The following PARP8 variants were observed in gnomAD, a reference collection of about 807,000 sequenced individuals.
PARP8 encodes the protein poly(ADP-ribose) polymerase family member 8, also known as protein mono-ADP-ribosyltransferase PARP8.
In PARP8, 51 loss-of-function variants were observed where a neutral mutation model predicts 124.1. That is an observed-to-expected ratio of 0.41 (90% CI 0.33 to 0.52). The LOEUF is 0.52. PARP8 is among the 20% of genes least tolerant of loss of function. PARP8 has a pLI of 0.21. For synonymous variants in PARP8, 391 were observed against 361.5 expected, an observed-to-expected ratio of 1.08 and a Z score of -0.93; for missense variants, 860 against 1,018.9, an observed-to-expected ratio of 0.84 and a Z score of 2.12.
At chr5:50,821,026 G>A (rs962314842) in intron 15 of PARP8, among the ~76,000 whole-genome samples, 187 bp from the exon 16 acceptor site, 1 of 152,186 alleles carries the variant, frequency 6.6e-6, no homozygotes, top group Non-Finnish European at 1.5e-5. Context: ...AGCAGCACAT[G>A]TTTGTTATTT....
chr5:50,707,650 AG>A (rs1754294898), intron 2 of PARP8, among the ~76,000 whole-genome samples: 2 of 151,686 alleles, frequency 1.3e-5, no homozygotes, highest in Non-Finnish European at 2.9e-5. Flanking sequence ...AGAGAGAGAG[AG>A]AGAGAGAGAG....
Position 50,716,300 on chromosome 5 carries a change from A to C in PARP8, c.147-33851A>C, listed in dbSNP as rs1368929464. ...GGTAGTTCTGATTATCAGAGAACAA[A>C]GTTCCAACAAATTGAGTTTAATGAT... On this transcript the variant is annotated intron_variant, in intron 2 of 25. Coordinates refer to ENST00000281631, the MANE Select transcript of PARP8 (RefSeq NM_024615.4). Among the ~76,000 whole-genome samples the C allele has an allele frequency of 2.0e-5, 3 of 152,142 alleles. No homozygotes were observed. The East Asian group carries it at 5.8e-4, about 29-fold the overall frequency.
chr5:50,794,447 T>C (rs2149648062), intron 11 of PARP8, 115 bp downstream of exon 11: 1 of 1,228,622 alleles, frequency 8.1e-7, no homozygotes, highest in Non-Finnish European at 1.1e-6. Context: ...TTATAACCTC[T>C]AAGAAAAGAC....
chr5:50,692,218 A>G (rs559433253), intron 2 of PARP8, among the ~76,000 whole-genome samples: 92 of 152,290 alleles, frequency 6.0e-4, no homozygotes, highest in African/African-American at 2.2e-3. Flanking sequence ...TTGTCATGTC[A>G]TTCAAAAGTG....
In PARP8 at chr5:50,826,791, G is replaced by A. The variant is rs1166309361; in HGVS notation, c.1965G>A (p.Leu655=). 6.3e-7 allele frequency: 1 copy of A among 1,586,836 alleles called. No homozygotes were observed. The highest frequency in any genetic ancestry group is 1.2e-5 in the South Asian group (1 of 84,492). ...ISSNRSHIVK[L]PVNRQLKFMH... is the part of the protein sequence containing the mutation. ...GTAATAGATCACATATTGTGAAACT[G>A]CCAGTTAACAGGGTAAGTTGTTTTT... The change falls in exon 19 of 26, where the codon CTG becomes CTA. Residue 655 remains leucine (L), a synonymous_variant. Transcript: ENST00000281631.
chr5:50,760,228 A>G (rs539093526), intron 4 of PARP8, 64 bp from the exon 5 acceptor site: 2 of 1,317,462 alleles, frequency 1.5e-6, no homozygotes, highest in Admixed American at 2.9e-5. Context: ...ACCAAAACTT[A>G]TGAATGCTTG....
At chr5:50,728,600 C>T (rs1261968175) in intron 2 of PARP8, among the ~76,000 whole-genome samples, 2 of 151,452 alleles carry the variant, frequency 1.3e-5, no homozygotes, top group East Asian at 1.9e-4. Context: ...TTTTTTGGCA[C>T]CCAAATAAGT....
intron 9 of PARP8, among the ~76,000 whole-genome samples, chr5:50,781,280 G>A (rs1034643056): frequency 6.6e-5 from 10 of 151,904 alleles, no homozygotes; most frequent in South Asian, 4.1e-4. Context: ...ATCACCAGTC[G>A]CTTTTGTTTT....
Position 50,710,825 on chromosome 5 carries a change from T to A in PARP8, c.147-39326T>A, listed in dbSNP as rs145720914. ...TTTCTGTGTCTGCAACCTACATATGTGATTGAAAATTTTTATATCTAACAG... is the reference window on the plus strand; with the variant it reads ...TTTCTGTGTCTGCAACCTACATATGAGATTGAAAATTTTTATATCTAACAG... On this transcript the variant is annotated intron_variant, in intron 2 of 25. Coordinates refer to ENST00000281631, the MANE Select transcript of PARP8 (RefSeq NM_024615.4). Among the ~76,000 whole-genome samples the A allele has an allele frequency of 2.0e-3, 298 of 152,288 alleles. 3 individuals are homozygous for A. The highest frequency in any genetic ancestry group is 6.8e-3 in the African/African-American group (282 of 41,572).
chr5:50,691,377 A>T (rs1284031527), intron 2 of PARP8, among the ~76,000 whole-genome samples: 1 of 152,130 alleles, frequency 6.6e-6, no homozygotes, highest in African/African-American at 2.4e-5. Flanking sequence ...TCACTGGTGG[A>T]ATGTCTCCTT....
chr5:50,795,102 T>A lies in PARP8; in HGVS notation c.1113T>A (p.Val371=). 6.2e-7 allele frequency: 1 copy of A among 1,614,192 alleles called. No individual in the cohort carries two copies. Among genetic ancestry groups the A allele is most frequent in the African/African-American group, 1.3e-5 (1 of 75,038 alleles). The stretch of plus-strand genomic sequence containing the variant: ...TGAACCGTCCTTGCCCTGCAGCTGT[T>A]AAGTCAGAGGAATGCCTAACTCTAA... ...KLLNRPCPAA[V]KSEECLTLKS... The change falls in exon 12 of 26, where the codon GTT becomes GTA. Residue 371 remains valine (V), a synonymous_variant. Coordinates refer to ENST00000281631, the MANE Select transcript of PARP8 (RefSeq NM_024615.4).
At chr5:50,814,973 A>AT (rs201524519) in intron 14 of PARP8, among the ~76,000 whole-genome samples, 2,339 of 148,572 alleles carry the variant, frequency 0.016, 26 homozygotes, top group African/African-American at 0.03. Flanking sequence ...GAATCATGCT[A>AT]TTTTTTTTTT....
Position 50,666,751 on chromosome 5 carries a change from C to T in PARP8, c.-345C>T. 1 of 622,072 alleles carries T rather than the reference C, an allele frequency of 1.6e-6. No individual in the cohort carries two copies. Among genetic ancestry groups the T allele is most frequent in the South Asian group, 3.2e-5 (1 of 30,898 alleles). The allele number at this position is 622,072 out of a possible 1,614,324, so 38.5% of individuals were successfully genotyped here. On this transcript the variant is annotated 5_prime_UTR_variant, in exon 1 of 26. Transcript: ENST00000281631. ...GATTGCTCTCTGGCTGTCCCCGGCA[C>T]CTCGGCCCCCACGGCCGTTGGTCCG...
chr5:50,754,474 G>A (rs1759684558), intron 3 of PARP8, among the ~76,000 whole-genome samples: 1 of 151,846 alleles, frequency 6.6e-6, no homozygotes, highest in East Asian at 1.9e-4. Flanking sequence ...GAGAATGATG[G>A]TTTCCAGCTT....
chr5:50,697,991 A>C (rs764708291), intron 2 of PARP8, among the ~76,000 whole-genome samples: 1 of 152,136 alleles, frequency 6.6e-6, no homozygotes, highest in African/African-American at 2.4e-5. Flanking sequence ...TCAGGAAGAA[A>C]AGCCTTCTGT....
intron 2 of PARP8, among the ~76,000 whole-genome samples, chr5:50,693,730 T>C (rs1017543217): frequency 6.6e-6 from 1 of 151,594 alleles, no homozygotes; most frequent in Non-Finnish European, 1.5e-5. Context: ...TGTAATCGTA[T>C]AATCACATCA....
chr5:50,748,145 TG>T (rs1205615163), intron 2 of PARP8, among the ~76,000 whole-genome samples: 4 of 152,096 alleles, frequency 2.6e-5, no homozygotes, highest in African/African-American at 9.7e-5. Flanking sequence ...TGATCCAAAA[TG>T]ATTTTTAGAA....
chr5:50,753,839 G>C (rs1397796650), intron 3 of PARP8, among the ~76,000 whole-genome samples: 1 of 151,696 alleles, frequency 6.6e-6, no homozygotes, highest in Non-Finnish European at 1.5e-5. Flanking sequence ...ATTTGGAGCA[G>C]AATAAAAGCA....
At chr5:50,738,845 T>TA (rs1475370713) in intron 2 of PARP8, 1 of 600,618 alleles carries the variant, frequency 1.7e-6, no homozygotes, top group Non-Finnish European at 3.0e-6. Flanking sequence ...GAGCTTGGCT[T>TA]AAACAGTAAA....
Sources: allele counts gnomAD v4.1 joint callset (sites outside exome capture counted in the v4.1 genomes callset), GRCh38; gene constraint gnomAD v4.1.1; transcripts MANE v1.5; gene names NCBI Gene and HGNC (gene_info 2026-07-23, HGNC 2026-07-21).